Variants in NVL observed in about 807,000 individuals in gnomAD.
NVL encodes the protein nuclear VCP like.
In NVL, 84 loss-of-function variants were observed where a neutral mutation model predicts 110.2. The observed-to-expected ratio is 0.76, with a 90% CI of 0.64 to 0.91. NVL has a LOEUF of 0.91. NVL is among the 40% of genes least tolerant of loss of function. The probability of loss-of-function intolerance (pLI) is 0.00; values close to 1 mark genes in which losing one functional copy is unlikely to be tolerated. For synonymous variants in NVL, 354 were observed against 361.1 expected (o/e 0.98, Z 0.22); for missense variants, 882 against 1,035.9 (o/e 0.85, Z 2.04).
intron 6 of NVL, 50 bp downstream of exon 6, chr1:224,307,941 G>A: frequency 6.7e-7 from 1 of 1,488,268 alleles, no homozygotes. Context: ...CAACTAAAAG[G>A]TTGAAATGTA....
intron 18 of NVL, among the ~76,000 whole-genome samples, chr1:224,266,278 C>G (rs931950696): frequency 5.9e-5 from 9 of 152,150 alleles, no homozygotes; most frequent in Non-Finnish European, 2.9e-5. Flanking sequence ...TCCAGTGAAA[C>G]TAATCTTTTG....
chr1:224,275,994 TGAAATC>T (rs1188243346), intron 16 of NVL, among the ~76,000 whole-genome samples: 1 of 152,190 alleles, frequency 6.6e-6, no homozygotes, highest in Non-Finnish European at 1.5e-5. Flanking sequence ...TACTCTATGT[TGAAATC>T]TAAATCAAAA....
chr1:224,304,512 C>G lies in NVL; in HGVS notation c.825+224G>C, dbSNP rs527240360. Among the ~76,000 whole-genome samples, 60 of 152,024 alleles carry G rather than the reference C, an allele frequency of 3.9e-4. 1 individual carries two copies. The South Asian group carries it at 5.0e-3, about 13-fold the overall frequency. ...TGCTAAGACAATATTACTTATAAAGCATGGATCTTATATATACTATAATTA... is the reference window on the plus strand; with the variant it reads ...TGCTAAGACAATATTACTTATAAAGGATGGATCTTATATATACTATAATTA... On this transcript the variant is annotated intron_variant, in intron 8 of 22. Transcript: ENST00000281701.
chr1:224,289,097 A>T (rs942297717), intron 13 of NVL: 1 of 179,798 alleles, frequency 5.6e-6, no homozygotes, highest in African/African-American at 2.4e-5. Context: ...TTTGTGGGCC[A>T]CGGTCTCTGC....
At chr1:224,304,178 G>A (rs1272916981) in intron 8 of NVL, among the ~76,000 whole-genome samples, 3 of 152,194 alleles carry the variant, frequency 2.0e-5, no homozygotes, top group Non-Finnish European at 2.9e-5. Flanking sequence ...TGTAATCCCA[G>A]CACTTTGGGA....
At chr1:224,231,841 A>G (rs1033845218) in intron 21 of NVL, among the ~76,000 whole-genome samples, 3 of 150,842 alleles carry the variant, frequency 2.0e-5, no homozygotes, top group African/African-American at 7.3e-5. Context: ...CCTGACCAAT[A>G]TGGTGAAATC....
At chr1:224,301,945 CT>C (rs1436896762) in intron 9 of NVL, among the ~76,000 whole-genome samples, 1 of 152,038 alleles carries the variant, frequency 6.6e-6, no homozygotes, top group African/African-American at 2.4e-5. Context: ...CCATTTTGCA[CT>C]TCTTCTTGTC....
chr1:224,251,667 T>C (rs145194346), intron 18 of NVL, among the ~76,000 whole-genome samples: 522 of 151,992 alleles, frequency 3.4e-3, no homozygotes, highest in African/African-American at 0.012. Context: ...AAACAAAACA[T>C]GTCCTTAAGT....
At chr1:224,254,473 A>G (rs1571844571) in intron 18 of NVL, among the ~76,000 whole-genome samples, 3 of 129,900 alleles carry the variant, frequency 2.3e-5, no homozygotes, top group African/African-American at 8.9e-5. Context: ...GCTCACCGCA[A>G]CCTCTACCTC....
intron 6 of NVL, among the ~76,000 whole-genome samples, chr1:224,306,978 A>C (rs1374954627): frequency 6.6e-6 from 1 of 151,686 alleles, no homozygotes; most frequent in Non-Finnish European, 1.5e-5. Flanking sequence ...GTTCTGCCAA[A>C]TCAAAGGGCT....
intron 4 of NVL, among the ~76,000 whole-genome samples, chr1:224,315,858 T>G (rs1051519764): frequency 6.6e-6 from 1 of 152,182 alleles, no homozygotes; most frequent in Non-Finnish European, 1.5e-5. Context: ...CAGCTTAATT[T>G]GTAATAGCCA....
At chr1:224,237,771 G>T (rs1660660279) in intron 19 of NVL, among the ~76,000 whole-genome samples, 1 of 145,140 alleles carries the variant, frequency 6.9e-6, no homozygotes, top group Non-Finnish European at 1.5e-5. Flanking sequence ...GGAGTGCAGT[G>T]GTGCGATCTT....
chr1:224,301,416 T>A (rs1668396027), intron 9 of NVL, among the ~76,000 whole-genome samples: 1 of 152,096 alleles, frequency 6.6e-6, no homozygotes. Context: ...AAACAATTCT[T>A]ACCCATCTGC....
intron 19 of NVL, among the ~76,000 whole-genome samples, chr1:224,244,845 G>T (rs113844741): frequency 2.6e-5 from 4 of 151,928 alleles, no homozygotes; most frequent in Admixed American, 6.6e-5. Flanking sequence ...GCACCACCAC[G>T]CCCAGCTAAT....
intron 5 of NVL, among the ~76,000 whole-genome samples, chr1:224,310,855 T>C (rs1249221736): frequency 6.6e-6 from 1 of 151,730 alleles, no homozygotes; most frequent in African/African-American, 2.4e-5. Context: ...CTCAGCCTCC[T>C]GAGTAGCTAG....
chr1:224,311,117 G>A (rs746977309), intron 5 of NVL, among the ~76,000 whole-genome samples: 2 of 152,104 alleles, frequency 1.3e-5, no homozygotes, highest in Non-Finnish European at 2.9e-5. Flanking sequence ...GAGTGCAGTA[G>A]TGCAATCCCA....
At chr1:224,248,021 C>G (rs1013509698) in intron 19 of NVL, among the ~76,000 whole-genome samples, 2 of 152,156 alleles carry the variant, frequency 1.3e-5, no homozygotes, top group African/African-American at 4.8e-5. Flanking sequence ...GTCCTGAAGA[C>G]AGACAAAACT....
At chr1:224,231,148 G>T in intron 22 of NVL, 78 bp downstream of exon 22, 12 of 866,910 alleles carry the variant, frequency 1.4e-5, no homozygotes, top group Admixed American at 2.2e-5. Context: ...AAAAAAAAAA[G>T]AGTTTAATTC....
intron 12 of NVL, among the ~76,000 whole-genome samples, chr1:224,290,788 C>A (rs1346402281): frequency 2.3e-5 from 3 of 128,196 alleles, no homozygotes; most frequent in African/African-American, 9.2e-5. Context: ...GGCAACAGAG[C>A]GAGACTCTGT....
Sources: gnomAD v4.1 joint callset for allele counts (sites outside exome capture counted in the v4.1 genomes callset) on GRCh38, gnomAD v4.1.1 for gene constraint, MANE v1.5 for transcripts, NCBI Gene and HGNC (gene_info 2026-07-23, HGNC 2026-07-21) for gene names.